The following IGHMBP2 variants were observed in gnomAD, a reference collection of about 807,000 sequenced individuals.
IGHMBP2 encodes DNA-binding protein SMUBP-2.
Under a neutral mutation model 96.0 loss-of-function variants are expected in IGHMBP2, and 81 were observed. That is an observed-to-expected ratio of 0.84 (90% confidence interval 0.71 to 1.01). IGHMBP2 has a LOEUF of 1.01. IGHMBP2 is among the 50% of genes least tolerant of loss of function. The pLI, the probability that IGHMBP2 is intolerant of heterozygous loss-of-function variation, is 0.00. For missense variants in IGHMBP2, 1,227 were observed against 1,306.3 expected (o/e 0.94, Z 0.94); for synonymous variants, 557 against 548.9 (o/e 1.01, Z -0.21).
chr11:68,930,161 G>A, intron 8 of IGHMBP2: 2 of 1,207,752 alleles, frequency 1.7e-6, no homozygotes, highest in South Asian at 3.0e-5. Flanking sequence ...CCTGGCACGT[G>A]GGCTGTCCTT....
chr11:68,921,680 C>T (rs893146201), intron 7 of IGHMBP2, among the ~76,000 whole-genome samples: 1 of 152,110 alleles, frequency 6.6e-6, no homozygotes. Context: ...AGAAAAATGT[C>T]TTCGTATTTG....
rs1566445212 is a variant in IGHMBP2, at chr11:68,935,402, T to G, written c.1736T>G (p.Phe579Cys). The G allele has an allele frequency of 6.8e-6, 11 of 1,614,124 alleles. No homozygotes were observed. The highest frequency in any genetic ancestry group is 9.3e-6 in the Non-Finnish European group (11 of 1,180,052). ...GAGAAGGAGGCCGTGATACTGTCCTTCGTCAGATCCAACAGGAAAGGTACG... is the reference window on the plus strand; with the variant it reads ...GAGAAGGAGGCCGTGATACTGTCCTGCGTCAGATCCAACAGGAAAGGTACG... ...GREKEAVILS[F>C]VRSNRKGEVG... The change falls in exon 12 of 15, where the codon TTC becomes TGC. Residue 579 changes from phenylalanine (F) to cysteine (C), a missense_variant. Coordinates refer to ENST00000255078, the MANE Select transcript of IGHMBP2 (RefSeq NM_002180.3).
rs76104339 is a variant in IGHMBP2, at chr11:68,935,515, G to A, written c.1756+93G>A. The A allele has an allele frequency of 7.0e-3, 10,179 of 1,448,326 alleles. 63 individuals are homozygous for A. The highest frequency in any genetic ancestry group is 0.023 in the Middle Eastern group (129 of 5,678). The allele number at this position is 1,448,326 out of a possible 1,614,324, so 89.7% of individuals were successfully genotyped here. A position where few individuals can be genotyped will look rare whatever the true frequency, so the allele number is the denominator to read the frequency against. ...TGGGTGTCTGCTGGGTGCCACACTG[G>A]TTTCTGGCAGTGTGCTCATGGTGCA... On this transcript the variant is annotated intron_variant, in intron 12 of 14. Transcript: ENST00000255078.
In IGHMBP2 at chr11:68,914,814, G is replaced by A. The variant is rs1257775828; in HGVS notation, c.712-9G>A. The A allele has an allele frequency of 1.2e-6, 2 of 1,614,008 alleles. No homozygotes were observed. Among genetic ancestry groups the A allele is most frequent in the Non-Finnish European group, 1.7e-6 (2 of 1,179,964 alleles). ...AGTAAATGACCAGATCCTAACTTGCGGTTCCCAGGTTCTGTGCTGCGCCCC... is the reference window on the plus strand; with the variant it reads ...AGTAAATGACCAGATCCTAACTTGCAGTTCCCAGGTTCTGTGCTGCGCCCC... On this transcript the variant is annotated splice_polypyrimidine_tract_variant and intron_variant, in intron 5 of 14. Transcript: ENST00000255078.
At position 68,936,904 on chromosome 11, in the gene IGHMBP2, G is replaced by A; in HGVS notation, c.2424G>A (p.Val808=). 1 of 1,607,830 alleles carries A rather than the reference G, an allele frequency of 6.2e-7. No individual in the cohort carries two copies. The highest frequency in any genetic ancestry group is 8.5e-7 in the Non-Finnish European group (1 of 1,177,584). ...GTGGCCCAGCCCCTCTCCAGCCAGT[G>A]CCCCCTACCCCTGCGCAGACAGAGC... ...GTGGPAPLQP[V]PPTPAQTEQP... is the part of the protein sequence containing the mutation. The change falls in exon 13 of 15, where the codon GTG becomes GTA. Residue 808 remains valine, a synonymous_variant. Coordinates refer to ENST00000255078, the MANE Select transcript of IGHMBP2 (RefSeq NM_002180.3).
chr11:68,908,225 T>G lies in IGHMBP2; in HGVS notation c.337T>G (p.Ser113Ala). The G allele has an allele frequency of 6.2e-7, 1 of 1,614,060 alleles. No individual in the cohort carries two copies. Residue 113 changes from serine (S) to alanine (A), a missense_variant, in exon 3 of 15, where the codon TCG (serine) becomes GCG (alanine). Physicochemically the swap from Ser to Ala is moderately conservative, Grantham distance 99. This residue lies in a region of IGHMBP2 where 507 missense variants were observed against 496.9 expected (regional missense o/e 1.02). Transcript: ENST00000255078. Reference sequence around the variant, plus strand: ...GATCTTGACCCGGGTCACCCAGAAGTCGGTCACGGTGGCCTTTGATGAGTC... The same window carrying G: ...GATCTTGACCCGGGTCACCCAGAAGGCGGTCACGGTGGCCTTTGATGAGTC... ...TGILTRVTQK[S>A]VTVAFDESHD...
intron 13 of IGHMBP2, chr11:68,937,603 T>G: frequency 4.0e-6 from 1 of 249,720 alleles, no homozygotes; most frequent in Non-Finnish European, 7.8e-6. Context: ...TGCCACATCC[T>G]GCATTGTGCC....
chr11:68,922,578 T>C (rs181769034), intron 7 of IGHMBP2, among the ~76,000 whole-genome samples: 1 of 152,226 alleles, frequency 6.6e-6, no homozygotes, highest in East Asian at 1.9e-4. Flanking sequence ...GTATTTTTAG[T>C]AGAGACGGGG....
At chr11:68,929,405 C>A (rs755562232) in intron 8 of IGHMBP2, 48 bp downstream of exon 8, 37 of 1,558,330 alleles carry the variant, frequency 2.4e-5, no homozygotes, top group Non-Finnish European at 1.1e-5. Context: ...CGCCCTCCTG[C>A]GGTCCTTCCA....
chr11:68,919,230 G>GCTCCTCTCCT (rs10596821), intron 7 of IGHMBP2, among the ~76,000 whole-genome samples: 1 of 146,148 alleles, frequency 6.8e-6, no homozygotes, highest in South Asian at 2.3e-4. Context: ...TCACTGTGTT[G>GCTCCTCTCCT]CTCCTCTCCT....
chr11:68,915,036 G>A lies in IGHMBP2; in HGVS notation c.912+13G>A. The A allele has an allele frequency of 6.2e-7, 1 of 1,611,562 alleles. No individual in the cohort carries two copies. Among genetic ancestry groups the A allele is most frequent in the Middle Eastern group, 1.7e-4 (1 of 5,816 alleles). ...CGACCAGGTCTTTGTAGGTGTCATG[G>A]CCAGTGTCCATGTGGGGCGTGGGCT... On this transcript the variant is annotated intron_variant, in intron 6 of 14. Coordinates refer to ENST00000255078, the MANE Select transcript of IGHMBP2 (RefSeq NM_002180.3).
Position 68,916,002 on chromosome 11 carries a change from C to T in IGHMBP2, c.912+979C>T, listed in dbSNP as rs533650606. On this transcript the variant is annotated intron_variant, in intron 6 of 14. Coordinates refer to ENST00000255078, the MANE Select transcript of IGHMBP2 (RefSeq NM_002180.3). ...CAGCCTGGCCCACATGGTGAAACCCCGTCTCTACTAAAAATACAAAAATTA... is the reference window on the plus strand; with the variant it reads ...CAGCCTGGCCCACATGGTGAAACCCTGTCTCTACTAAAAATACAAAAATTA... Among the ~76,000 whole-genome samples, 13 of 151,884 alleles carry T rather than the reference C, an allele frequency of 8.6e-5. No homozygotes were observed. The South Asian group carries it at 1.9e-3, about 22-fold the overall frequency.
rs149577588 is a variant in IGHMBP2 at position 68,936,506 on chromosome 11, G to A, written c.2026G>A (p.Gly676Arg). ...GGGACCTGCTACGTCCACCAGGACC[G>A]GAAGCCAGCGGCAGGAGGGAGGCCA... is the stretch of plus-strand genomic sequence containing the variant. ...PQGPATSTRT[G>R]SQRQEGGQEA... Residue 676 changes from glycine to arginine, a missense_variant, in exon 13 of 15, where the codon GGA becomes AGA. Coordinates refer to ENST00000255078, the MANE Select transcript of IGHMBP2 (RefSeq NM_002180.3). 1.5e-4 allele frequency: 249 copies of A among 1,613,664 alleles called. No homozygotes were observed. Among genetic ancestry groups the A allele is most frequent in the African/African-American group, 1.1e-3 (81 of 75,040 alleles).
chr11:68,928,068 G>A (rs1859139905), intron 7 of IGHMBP2, among the ~76,000 whole-genome samples: 1 of 152,240 alleles, frequency 6.6e-6, no homozygotes, highest in Non-Finnish European at 1.5e-5. Flanking sequence ...ATTTGCCGAT[G>A]TCTTGTTGCT....
At chr11:68,916,885 C>T (rs1281366410) in intron 6 of IGHMBP2, among the ~76,000 whole-genome samples, 1 of 150,322 alleles carries the variant, frequency 6.7e-6, no homozygotes. Flanking sequence ...TTTTCTTTCT[C>T]TGTAAATTAT....
At position 68,937,007 on chromosome 11, in the gene IGHMBP2, A is replaced by G; in HGVS notation, c.2527A>G (p.Ser843Gly). The G allele has an allele frequency of 6.2e-7, 1 of 1,609,026 alleles. No homozygotes were observed. The highest frequency in any genetic ancestry group is 8.5e-7 in the Non-Finnish European group (1 of 1,179,552). ...CCTGGAGAGACTGCAGAGGGTCAGGAGCGCGCAGGGGCAGCCCGCCAGCAA... is the reference window on the plus strand; with the variant it reads ...CCTGGAGAGACTGCAGAGGGTCAGGGGCGCGCAGGGGCAGCCCGCCAGCAA... ...LHLERLQRVR[S>G]AQGQPASKEQ... is the part of the protein sequence containing the mutation. Residue 843 changes from serine to glycine, a missense_variant, in exon 13 of 15, where the codon AGC becomes GGC. Physicochemically the swap from Ser to Gly is moderately conservative, Grantham distance 56. Coordinates refer to ENST00000255078, the MANE Select transcript of IGHMBP2 (RefSeq NM_002180.3).
chr11:68,922,451 C>T (rs926073914), intron 7 of IGHMBP2, among the ~76,000 whole-genome samples: 3 of 151,646 alleles, frequency 2.0e-5, no homozygotes, highest in African/African-American at 7.3e-5. Flanking sequence ...ACTGGAGTGC[C>T]GTGGCGCAAT....
At position 68,937,072 on chromosome 11, in the gene IGHMBP2, G is replaced by T. The variant is rs766051417; in HGVS notation, c.2592G>T (p.Lys864Asn). ...QASGQQKLPE[K>N]KKKKAKGHPA... ...CAGGGCAGCAGAAACTTCCAGAAAA[G>T]AAAAAGAAAAAAGCCAAAGGTAAGT... Residue 864 changes from lysine to asparagine, a missense_variant, in exon 13 of 15, where the codon AAG becomes AAT. Physicochemically the swap from Lys to Asn is moderately conservative, Grantham distance 94. Transcript: ENST00000255078. 5.6e-6 allele frequency: 9 copies of T among 1,599,246 alleles called. No individual in the cohort carries two copies. The East Asian group carries it at 2.0e-4, about 36-fold the overall frequency.
Position 68,911,598 on chromosome 11 carries a change from T to A in IGHMBP2, c.706T>A (p.Leu236Ile). The A allele has an allele frequency of 6.2e-7, 1 of 1,614,182 alleles. No individual in the cohort carries two copies. Among genetic ancestry groups the A allele is most frequent in the Non-Finnish European group, 8.5e-7 (1 of 1,180,042 alleles). The change falls in exon 5 of 15, where the codon TTA becomes ATA. Residue 236 changes from leucine to isoleucine, a missense_variant. Leu to Ile is a conservative substitution (Grantham distance 5, BLOSUM62 2). Around this residue, in one of 3 missense-constraint regions of IGHMBP2, gnomAD observed 507 missense variants for 496.9 expected, o/e 1.02. Coordinates refer to ENST00000255078, the MANE Select transcript of IGHMBP2 (RefSeq NM_002180.3). Reference protein sequence around the residue: ...EIILQAVKQGLKVLCCAPSNI... With the variant: ...EIILQAVKQGIKVLCCAPSNI... ...CATTCTTCAAGCTGTGAAACAAGGC[T>A]TAAAGGTGGGCAGTGCATGCCACTT... is the stretch of plus-strand genomic sequence containing the variant.
Sources: gnomAD v4.1 joint callset for allele counts (sites outside exome capture counted in the v4.1 genomes callset) on GRCh38, gnomAD v4.1.1 for gene constraint, gnomAD v4.1.1 regional missense constraint, MANE v1.5 for transcripts, NCBI Gene and HGNC (gene_info 2026-07-23, HGNC 2026-07-21) for gene names.